The following TENM3 variants were observed in gnomAD, a reference collection of about 807,000 sequenced individuals.
The protein encoded by TENM3 is teneurin transmembrane protein 3.
A neutral mutation model predicts 255.1 loss-of-function variants in TENM3; 63 were observed. That is an observed-to-expected ratio of 0.25 (90% CI 0.20 to 0.30). The LOEUF (loss-of-function observed/expected upper bound fraction) is 0.30, where lower values mean the gene tolerates loss of function less well. Ranked by LOEUF, TENM3 falls within the 10% of genes least tolerant of loss-of-function variation. The pLI, the probability that TENM3 is intolerant of heterozygous loss-of-function variation, is 1.00. For missense variants in TENM3, 2,929 were observed against 3,461.1 expected, an observed-to-expected ratio of 0.85 and a Z score of 3.86; for synonymous variants, 1,306 against 1,322.3, an observed-to-expected ratio of 0.99 and a Z score of 0.27.
chr4:181,936,255 C>A, the TENM3 span, among the ~76,000 whole-genome samples: 1 of 151,888 alleles, frequency 6.6e-6, no homozygotes, highest in African/African-American at 2.4e-5. Flanking sequence ...ATAAGCTGGG[C>A]ATGGTGGTGT....
chr4:182,364,402 T>TTTTTG (rs1220624278), intron 3 of TENM3, among the ~76,000 whole-genome samples: 1 of 151,514 alleles, frequency 6.6e-6, no homozygotes, highest in Non-Finnish European at 1.5e-5. Context: ...CTTCAGTTGT[T>TTTTTG]TTTTGTTTTT....
chr4:181,752,659 T>C, the TENM3 span, among the ~76,000 whole-genome samples: 1 of 152,208 alleles, frequency 6.6e-6, no homozygotes, highest in Admixed American at 6.5e-5. Context: ...GGAGTATGAG[T>C]CATTCACAAC....
chr4:182,397,842 A>G (rs1047060011), intron 3 of TENM3, among the ~76,000 whole-genome samples: 2 of 152,136 alleles, frequency 1.3e-5, no homozygotes, highest in African/African-American at 2.4e-5. Flanking sequence ...TCTGGGGACC[A>G]TACTATGAGG....
chr4:182,763,048 GCTCT>G (rs1358857886), intron 22 of TENM3, among the ~76,000 whole-genome samples: 1 of 152,104 alleles, frequency 6.6e-6, no homozygotes, highest in Non-Finnish European at 1.5e-5. Context: ...CCTTTGTAGC[GCTCT>G]CTAAAAACTA....
At chr4:181,824,733 T>C in the TENM3 span, among the ~76,000 whole-genome samples, 1 of 152,036 alleles carries the variant, frequency 6.6e-6, no homozygotes, top group African/African-American at 2.4e-5. Context: ...AGACTCAATA[T>C]TCAAAGCACC....
At chr4:181,576,173 G>T in the TENM3 span, among the ~76,000 whole-genome samples, 1 of 152,208 alleles carries the variant, frequency 6.6e-6, no homozygotes, top group African/African-American at 2.4e-5. Context: ...ACACATTAAT[G>T]AGCTCCCACT....
intron 13 of TENM3, among the ~76,000 whole-genome samples, chr4:182,715,552 A>G (rs35598636): frequency 0.11 from 16,994 of 152,258 alleles, 1,210 homozygotes; most frequent in South Asian, 0.14. Context: ...AGCCTGCTCT[A>G]AGTAGCAGCT....
At chr4:182,703,935 C>G (rs1758081664) in intron 12 of TENM3, among the ~76,000 whole-genome samples, 1 of 152,134 alleles carries the variant, frequency 6.6e-6, no homozygotes, top group Non-Finnish European at 1.5e-5. Flanking sequence ...TTAGCACTAT[C>G]CAGACACCAC....
At chr4:181,946,512 AACCTCTC>A in the TENM3 span, among the ~76,000 whole-genome samples, 1 of 152,140 alleles carries the variant, frequency 6.6e-6, no homozygotes, top group African/African-American at 2.4e-5. Context: ...AATTTGTCCA[AACCTCTC>A]ATTGCATTCA....
chr4:182,044,925 C>T, the TENM3 span, among the ~76,000 whole-genome samples: 4 of 152,058 alleles, frequency 2.6e-5, no homozygotes, highest in East Asian at 1.9e-4. Context: ...AAGAAGTGGA[C>T]GAGATGAAAG....
At chr4:182,383,854 A>G (rs1429211901) in intron 3 of TENM3, among the ~76,000 whole-genome samples, 1 of 152,240 alleles carries the variant, frequency 6.6e-6, no homozygotes. Context: ...AAGGCTGCAC[A>G]CTTACAACCA....
chr4:181,490,705 A>T, the TENM3 span, among the ~76,000 whole-genome samples: 1 of 152,200 alleles, frequency 6.6e-6, no homozygotes, highest in African/African-American at 2.4e-5. Context: ...TAAGAATTAT[A>T]ATAATGTCAG....
At chr4:182,453,559 G>C (rs1773643928) in intron 3 of TENM3, among the ~76,000 whole-genome samples, 1 of 151,930 alleles carries the variant, frequency 6.6e-6, no homozygotes, top group Non-Finnish European at 1.5e-5. Flanking sequence ...GACTAATATG[G>C]GACTAACATA....
chr4:182,256,567 A>C (rs1303902523), intron 1 of TENM3, among the ~76,000 whole-genome samples: 2 of 152,174 alleles, frequency 1.3e-5, no homozygotes, highest in Admixed American at 6.5e-5. Flanking sequence ...GTCCGTGAAG[A>C]ATCTCAATAC....
chr4:182,460,050 C>T (rs1774213872), intron 3 of TENM3, among the ~76,000 whole-genome samples: 1 of 151,988 alleles, frequency 6.6e-6, no homozygotes, highest in Non-Finnish European at 1.5e-5. Context: ...CTGTGGTGTA[C>T]TTTAAATTCT....
intron 3 of TENM3, among the ~76,000 whole-genome samples, chr4:182,404,923 G>A (rs746544597): frequency 3.9e-5 from 6 of 152,138 alleles, no homozygotes; most frequent in African/African-American, 9.7e-5. Flanking sequence ...CATCATCGCC[G>A]GTCACAGCGC....
At chr4:181,901,316 G>A in the TENM3 span, among the ~76,000 whole-genome samples, 1 of 152,118 alleles carries the variant, frequency 6.6e-6, no homozygotes, top group Non-Finnish European at 1.5e-5. Flanking sequence ...TAAGGATCTT[G>A]AAATAAATTT....
chr4:182,606,523 CAAAAAA>C (rs746315807), intron 4 of TENM3, among the ~76,000 whole-genome samples: 3 of 51,726 alleles, frequency 5.8e-5, no homozygotes, highest in African/African-American at 8.1e-5. Flanking sequence ...GACTCTGTCT[CAAAAAA>C]AAAAAAAAAA....
intron 3 of TENM3, among the ~76,000 whole-genome samples, chr4:182,434,165 T>C (rs1771874718): frequency 6.6e-6 from 1 of 150,470 alleles, no homozygotes; most frequent in African/African-American, 2.4e-5. Context: ...AAAGAAAACA[T>C]GGATGGAACA....
Sources: allele counts gnomAD v4.1 joint callset (sites outside exome capture counted in the v4.1 genomes callset), GRCh38; gene constraint gnomAD v4.1.1; transcripts MANE v1.5; gene names NCBI Gene and HGNC (gene_info 2026-07-23, HGNC 2026-07-21).